Variants in EMC10 observed in about 807,000 individuals in gnomAD.
EMC10 encodes UPF0510 protein INM02.
Under a neutral mutation model 32.2 loss-of-function variants are expected in EMC10, and 40 were observed. That is an observed-to-expected ratio of 1.24 (90% confidence interval 0.96 to 1.61). The LOEUF (loss-of-function observed/expected upper bound fraction) is 1.61. Ranked by LOEUF, EMC10 falls within the 40% of genes most tolerant of loss-of-function variation. The pLI is 0.00. For missense variants in EMC10, 402 were observed against 357.7 expected (o/e 1.12, Z -1.00); for synonymous variants, 178 against 158.4 (o/e 1.12, Z -0.93).
Position 50,480,437 on chromosome 19 carries a change from G to A in EMC10, c.403-144G>A. On this transcript the variant is annotated intron_variant, in intron 4 of 6. Coordinates refer to ENST00000334976, the MANE Select transcript of EMC10 (RefSeq NM_206538.4). This position sits in a 1 kb window ranked among gnomAD's most constrained non-coding sequence, Gnocchi z 4.4. Reference sequence around the variant, plus strand: ...TGTGAGGACTCCCGGGTGGGGGGCGGTTGAACTTGGGCCTGAGGGTAACAG... The same window carrying A: ...TGTGAGGACTCCCGGGTGGGGGGCGATTGAACTTGGGCCTGAGGGTAACAG... 1 of 1,100,716 alleles carries A rather than the reference G, an allele frequency of 9.1e-7. No individual in the cohort carries two copies. Among genetic ancestry groups the A allele is most frequent in the Non-Finnish European group, 1.3e-6 (1 of 776,216 alleles). The allele number at this position is 1,100,716 out of a possible 1,614,324, so 68.2% of individuals were successfully genotyped here. A position where few individuals can be genotyped will look rare whatever the true frequency, so the allele number is the denominator to read the frequency against.
At chr19:50,479,255 C>T (rs1012800810) in intron 3 of EMC10, among the ~76,000 whole-genome samples, 189 bp downstream of exon 3, 3 of 152,194 alleles carry the variant, frequency 2.0e-5, no homozygotes, top group African/African-American at 4.8e-5. Flanking sequence ...TTCGTCTTAG[C>T]GCCGCCAGGC....
At position 50,480,490 on chromosome 19, in the gene EMC10, C is replaced by A; in HGVS notation, c.403-91C>A. ...AGCCATGGGAAGGTTTTGAAAAATG[C>A]TCCGGGGGTCCTGTGGTGGGGGCCG... On this transcript the variant is annotated intron_variant, in intron 4 of 6. Coordinates refer to ENST00000334976, the MANE Select transcript of EMC10 (RefSeq NM_206538.4). This position sits in a 1 kb window ranked among gnomAD's most constrained non-coding sequence, Gnocchi z 4.4. 1 of 1,440,466 alleles carries A rather than the reference C, an allele frequency of 6.9e-7. No individual in the cohort carries two copies. Among genetic ancestry groups the A allele is most frequent in the Non-Finnish European group, 9.3e-7 (1 of 1,070,570 alleles). The allele number at this position is 1,440,466 out of a possible 1,614,324, so 89.2% of individuals were successfully genotyped here.
Position 50,484,315 on chromosome 19 carries a change from ACTGCG to A in EMC10, c.*2058_*2062del. The A allele has an allele frequency of 6.6e-6, 1 of 152,216 alleles. No homozygotes were observed. The highest frequency in any genetic ancestry group is 6.6e-5 in the Admixed American group (1 of 15,260). The allele number at this position is 152,216 out of a possible 1,614,324, so 9.4% of individuals were successfully genotyped here. A position where few individuals can be genotyped will look rare whatever the true frequency, so the allele number is the denominator to read the frequency against. On this transcript the variant is annotated 3_prime_UTR_variant, in exon 7 of 7. Coordinates refer to ENST00000334976, the MANE Select transcript of EMC10 (RefSeq NM_206538.4). ...AGTGCTGGGATTACAGGCATGAGCCACTGCGCCAGGCCTACTGATGCTTTTTGGGA... is the reference window on the plus strand; with the variant it reads ...AGTGCTGGGATTACAGGCATGAGCCACCAGGCCTACTGATGCTTTTTGGGA...
intron 2 of EMC10, 37 bp downstream of exon 2, chr19:50,478,038 T>C: frequency 6.5e-7 from 1 of 1,542,614 alleles, no homozygotes. Context: ...ACACTTAACA[T>C]TGGTGCCCTG....
chr19:50,485,425 A>C lies in EMC10; in HGVS notation c.*3166A>C, dbSNP rs1476370486. Reference sequence around the variant, plus strand: ...CCAGGATGTGCCTCAGGGGCCACTAAAGGAGCCAGTGCCTCCCACCTGCCC... The same window carrying C: ...CCAGGATGTGCCTCAGGGGCCACTACAGGAGCCAGTGCCTCCCACCTGCCC... On this transcript the variant is annotated 3_prime_UTR_variant, in exon 7 of 7. Coordinates refer to ENST00000334976, the MANE Select transcript of EMC10 (RefSeq NM_206538.4). 1 of 152,144 alleles carries C rather than the reference A, an allele frequency of 6.6e-6. No individual in the cohort carries two copies. The highest frequency in any genetic ancestry group is 6.5e-5 in the Admixed American group (1 of 15,272). The allele number at this position is 152,144 out of a possible 1,614,324, so 9.4% of individuals were successfully genotyped here.
chr19:50,477,032 G>A (rs1165721882), intron 1 of EMC10: 1 of 189,826 alleles, frequency 5.3e-6, no homozygotes, highest in African/African-American at 2.4e-5. Flanking sequence ...GAGGCGGGAG[G>A]ATTGCTCTAG....
chr19:50,477,525 T>G (rs2040247138), intron 1 of EMC10, among the ~76,000 whole-genome samples: 1 of 152,188 alleles, frequency 6.6e-6, no homozygotes. Context: ...ATCTTGAATG[T>G]GCTTAATAGG....
At position 50,489,023 on chromosome 19, in the gene EMC10, AAG is replaced by A. The variant is rs1978507178; in HGVS notation, c.*6767_*6768del. On this transcript the variant is annotated 3_prime_UTR_variant, in exon 7 of 7. Transcript: ENST00000334976. ...GGAGCGGTGCGGAGGGGGAGAGAGAAAGAGGGAGGGAAGGAGGGTAGGAGAGG... is the reference window on the plus strand; with the variant it reads ...GGAGCGGTGCGGAGGGGGAGAGAGAAAGGGAGGGAAGGAGGGTAGGAGAGG... 1 of 140,794 alleles carries A rather than the reference AAG, an allele frequency of 7.1e-6. No individual in the cohort carries two copies. Among genetic ancestry groups the A allele is most frequent in the South Asian group, 2.8e-4 (1 of 3,602 alleles). The allele number at this position is 140,794 out of a possible 1,614,324, so 8.7% of individuals were successfully genotyped here.
In EMC10 at chr19:50,480,247, C is replaced by G; in HGVS notation, c.402+32C>G. 3.2e-6 allele frequency: 5 copies of G among 1,577,122 alleles called. No homozygotes were observed. Among genetic ancestry groups the G allele is most frequent in the Non-Finnish European group, 4.3e-6 (5 of 1,151,922 alleles). The stretch of plus-strand genomic sequence containing the variant: ...TGGTGTCGGGGATGAGCCCCCTTCT[C>G]CCTCGTCCTCCTCATCCCCTACCCT... On this transcript the variant is annotated intron_variant, in intron 4 of 6. Coordinates refer to ENST00000334976, the MANE Select transcript of EMC10 (RefSeq NM_206538.4). The surrounding 1 kb of genome is among the most constrained non-coding windows in gnomAD (Gnocchi z 4.4).
In EMC10 at chr19:50,489,340, G is replaced by T. The variant is rs1978524299; in HGVS notation, c.*7081G>T. ...AAAAAAAGCAGAAAGGAAAGAAGAG[G>T]TGCATGAGTGTGGAAGAGCAATATG... On this transcript the variant is annotated 3_prime_UTR_variant, in exon 7 of 7. Coordinates refer to ENST00000334976, the MANE Select transcript of EMC10 (RefSeq NM_206538.4). The T allele has an allele frequency of 6.6e-6, 1 of 152,386 alleles. No individual in the cohort carries two copies. Among genetic ancestry groups the T allele is most frequent in the Admixed American group, 6.6e-5 (1 of 15,266 alleles). 9.4% of individuals were successfully genotyped at this position (152,386 alleles called of 1,614,324 possible).
At chr19:50,477,888 C>CT in intron 1 of EMC10, 41 bp from the exon 2 acceptor site, 3 of 1,558,720 alleles carry the variant, frequency 1.9e-6, no homozygotes, top group Non-Finnish European at 2.6e-6. Context: ...ATGCTGAGGG[C>CT]TTGGGTGGTC....
At position 50,483,213 on chromosome 19, in the gene EMC10, A is replaced by G. The variant is rs2040351251; in HGVS notation, c.*954A>G. On this transcript the variant is annotated 3_prime_UTR_variant, in exon 7 of 7. Coordinates refer to ENST00000334976, the MANE Select transcript of EMC10 (RefSeq NM_206538.4). ...TTTTGGCAAGACGGTCCTGATGTAC[A>G]AGCTTGATTGAAATTCACTGCTCAC... 6.9e-6 allele frequency: 3 copies of G among 433,076 alleles called. No homozygotes were observed. The highest frequency in any genetic ancestry group is 1.4e-5 in the Non-Finnish European group (3 of 212,832). 26.8% of individuals were successfully genotyped at this position (433,076 alleles called of 1,614,324 possible). A position where few individuals can be genotyped will look rare whatever the true frequency, so the allele number is the denominator to read the frequency against.
chr19:50,481,430 G>A (rs553148579), intron 6 of EMC10: 2 of 229,428 alleles, frequency 8.7e-6, no homozygotes, highest in South Asian at 1.9e-4. Flanking sequence ...AGGGGCCTGT[G>A]CTGCCAGCAG....
Position 50,488,453 on chromosome 19 carries a change from GAAGA to G in EMC10, c.*6195_*6198del, listed in dbSNP as rs1185681866. The G allele has an allele frequency of 6.6e-6, 1 of 150,988 alleles. No homozygotes were observed. Among genetic ancestry groups the G allele is most frequent in the Non-Finnish European group, 1.5e-5 (1 of 67,880 alleles). The allele number at this position is 150,988 out of a possible 1,614,324, so 9.4% of individuals were successfully genotyped here. ...AGGGGGTGAAAAAAGGGACAGGAAG[GAAGA>G]GAGGGAGAGGGTGGGTGCCATGGCT... On this transcript the variant is annotated 3_prime_UTR_variant, in exon 7 of 7. Coordinates refer to ENST00000334976, the MANE Select transcript of EMC10 (RefSeq NM_206538.4).
At position 50,479,075 on chromosome 19, in the gene EMC10, G is replaced by A. The variant is rs754826860; in HGVS notation, c.297+9G>A. ...AGCGGGGCCGACTCCGGGTGAGGTG[G>A]GGCCCTCAGGGCTGGGTGTGGATGG... is the stretch of plus-strand genomic sequence containing the variant. On this transcript the variant is annotated intron_variant, in intron 3 of 6. Transcript: ENST00000334976. The A allele has an allele frequency of 6.3e-7, 1 of 1,587,930 alleles. No homozygotes were observed. Among genetic ancestry groups the A allele is most frequent in the Non-Finnish European group, 8.6e-7 (1 of 1,166,448 alleles).
chr19:50,480,354 A>T lies in EMC10; in HGVS notation c.402+139A>T, dbSNP rs2040298215. 1 of 1,020,040 alleles carries T rather than the reference A, an allele frequency of 9.8e-7. No individual in the cohort carries two copies. The highest frequency in any genetic ancestry group is 1.4e-6 in the Non-Finnish European group (1 of 692,736). 63.2% of individuals were successfully genotyped at this position (1,020,040 alleles called of 1,614,324 possible). On this transcript the variant is annotated intron_variant, in intron 4 of 6. Transcript: ENST00000334976. The surrounding 1 kb of genome is among the most constrained non-coding windows in gnomAD (Gnocchi z 4.4). Reference sequence around the variant, plus strand: ...GACTCAGACCTGGCCTTGCCTTCCGAGGCCTCCTGGTCTGGAGGGGTCGGT... The same window carrying T: ...GACTCAGACCTGGCCTTGCCTTCCGTGGCCTCCTGGTCTGGAGGGGTCGGT...
chr19:50,480,367 T>C lies in EMC10; in HGVS notation c.402+152T>C. 1 of 975,078 alleles carries C rather than the reference T, an allele frequency of 1.0e-6. No homozygotes were observed. The highest frequency in any genetic ancestry group is 1.5e-6 in the Non-Finnish European group (1 of 654,078). 60.4% of individuals were successfully genotyped at this position (975,078 alleles called of 1,614,324 possible). On this transcript the variant is annotated intron_variant, in intron 4 of 6. Transcript: ENST00000334976. This position sits in a 1 kb window ranked among gnomAD's most constrained non-coding sequence, Gnocchi z 4.4. ...CCTTGCCTTCCGAGGCCTCCTGGTC[T>C]GGAGGGGTCGGTCCAGGTAGCGGGT...
At position 50,483,530 on chromosome 19, in the gene EMC10, G is replaced by A. The variant is rs764597652; in HGVS notation, c.*1271G>A. On this transcript the variant is annotated 3_prime_UTR_variant, in exon 7 of 7. Transcript: ENST00000334976. ...GTGAGTCGACTGTCAAGACCAGGAG[G>A]TGGTGCACCGTGGGAGGTTGCCTTC... The A allele has an allele frequency of 5.5e-5, 9 of 162,540 alleles. No individual in the cohort carries two copies. The highest frequency in any genetic ancestry group is 3.0e-3 in the Middle Eastern group (1 of 338). The allele number at this position is 162,540 out of a possible 1,614,324, so 10.1% of individuals were successfully genotyped here. A position where few individuals can be genotyped will look rare whatever the true frequency, so the allele number is the denominator to read the frequency against.
intron 3 of EMC10, 97 bp downstream of exon 3, chr19:50,479,163 C>T (rs1395459056): frequency 4.1e-6 from 4 of 973,344 alleles, no homozygotes; most frequent in Non-Finnish European, 3.1e-6. Context: ...GCCTTCCCTC[C>T]AGGCCCAGGT....
Sources: gnomAD v4.1 joint callset for allele counts (sites outside exome capture counted in the v4.1 genomes callset) on GRCh38, gnomAD v4.1.1 for gene constraint, Gnocchi (gnomAD v3.1) non-coding constraint, MANE v1.5 for transcripts, NCBI Gene and HGNC (gene_info 2026-07-23, HGNC 2026-07-21) for gene names.